CFAP61: variants seen among roughly 807,000 people sequenced by gnomAD.
CFAP61 encodes cilia and flagella associated protein 61, also known as cilia- and flagella-associated protein 61.
CFAP61 carries 107 observed loss-of-function variants against 135.6 expected under a neutral mutation model. The ratio of observed to expected loss-of-function variants is 0.79; its 90% CI spans 0.67 to 0.93. CFAP61 has a LOEUF of 0.93. CFAP61 is among the 40% of genes least tolerant of loss of function. The probability of loss-of-function intolerance (pLI) is 0.00; values close to 1 mark genes in which losing one functional copy is unlikely to be tolerated. For missense variants in CFAP61, 1,507 were observed against 1,556.2 expected (o/e 0.97, Z 0.53); for synonymous variants, 575 against 578.5 (o/e 0.99, Z 0.09).
chr20:20,075,485 T>A lies in CFAP61; in HGVS notation c.440-4T>A, dbSNP rs375821948. 3.7e-6 allele frequency: 6 copies of A among 1,614,050 alleles called. No individual in the cohort carries two copies. The highest frequency in any genetic ancestry group is 4.2e-6 in the Non-Finnish European group (5 of 1,179,894). On this transcript the variant is annotated splice_region_variant and splice_polypyrimidine_tract_variant and intron_variant, in intron 5 of 26. Coordinates refer to ENST00000245957, the MANE Select transcript of CFAP61 (RefSeq NM_015585.4). ...GGACATGTTTCTTTATCTCTGTGAT[T>A]TAGGCTCAACTCTCATAACTGTTTT...
chr20:20,213,647 C>T (rs991276881), intron 17 of CFAP61, among the ~76,000 whole-genome samples: 1 of 151,994 alleles, frequency 6.6e-6, no homozygotes, highest in Non-Finnish European at 1.5e-5. Context: ...TTTTAATATG[C>T]TCAAGAATAA....
intron 13 of CFAP61, among the ~76,000 whole-genome samples, chr20:20,174,527 C>A (rs1039744745): frequency 7.9e-5 from 12 of 152,198 alleles, no homozygotes. Flanking sequence ...AGTGAAACCA[C>A]ACATTTAATG....
intron 22 of CFAP61, among the ~76,000 whole-genome samples, chr20:20,286,387 C>G (rs1482658027): frequency 6.6e-6 from 1 of 152,230 alleles, no homozygotes; most frequent in Non-Finnish European, 1.5e-5. Flanking sequence ...AGATCATGCG[C>G]TCCATGCTTA....
chr20:20,082,854 A>G (rs1341601769), intron 6 of CFAP61, among the ~76,000 whole-genome samples: 1 of 152,162 alleles, frequency 6.6e-6, no homozygotes, highest in Non-Finnish European at 1.5e-5. Context: ...AGATGTTGGC[A>G]TGGATGTGGT....
At chr20:20,101,367 AT>A (rs1362595721) in intron 8 of CFAP61, among the ~76,000 whole-genome samples, 1 of 152,146 alleles carries the variant, frequency 6.6e-6, no homozygotes, top group Non-Finnish European at 1.5e-5. Flanking sequence ...ATCTCATGTT[AT>A]CCTATAACTT....
intron 8 of CFAP61, among the ~76,000 whole-genome samples, chr20:20,111,659 A>G (rs553260624): frequency 3.8e-4 from 58 of 152,340 alleles, no homozygotes; most frequent in African/African-American, 1.3e-3. Flanking sequence ...GGGACACTCA[A>G]TAAGAGTTTT....
At chr20:20,337,508 AAATGGATGGATGGATG>A (rs2058262975) in intron 25 of CFAP61, among the ~76,000 whole-genome samples, 208 of 4,548 alleles carry the variant, frequency 0.046, no homozygotes, top group Middle Eastern at 0.12. Flanking sequence ...GTGGATGGAT[AAATGGATGGATGGATG>A]GATGGATAGA....
intron 12 of CFAP61, among the ~76,000 whole-genome samples, chr20:20,167,307 G>A (rs911264604): frequency 1.3e-5 from 2 of 152,088 alleles, no homozygotes; most frequent in Non-Finnish European, 2.9e-5. Flanking sequence ...AAGGCAATAT[G>A]TTCTCCATCA....
At chr20:20,208,445 G>A (rs2056955119) in intron 17 of CFAP61, among the ~76,000 whole-genome samples, 1 of 152,218 alleles carries the variant, frequency 6.6e-6, no homozygotes, top group Admixed American at 6.5e-5. Context: ...ACCCGCTGCT[G>A]AAGCCTGCAG....
chr20:20,154,942 G>A (rs935405733), intron 9 of CFAP61, among the ~76,000 whole-genome samples: 3 of 151,914 alleles, frequency 2.0e-5, no homozygotes, highest in African/African-American at 7.3e-5. Flanking sequence ...TTCATATGGA[G>A]CCATAAAAGA....
In CFAP61 at chr20:20,246,069, T is replaced by C. The variant is rs144555738; in HGVS notation, c.2061-48T>C. The C allele has an allele frequency of 8.3e-3, 9,883 of 1,196,466 alleles. 94 individuals carry two copies. The highest frequency in any genetic ancestry group is 0.027 in the South Asian group (2,087 of 77,958). The allele number at this position is 1,196,466 out of a possible 1,614,324, so 74.1% of individuals were successfully genotyped here. ...AAATTGAATTATGATAAACTTTTGC[T>C]AAATTGCACTTAACTGCTTGTTCTT... On this transcript the variant is annotated intron_variant, in intron 18 of 26. Coordinates refer to ENST00000245957, the MANE Select transcript of CFAP61 (RefSeq NM_015585.4).
chr20:20,115,922 G>T (rs1459531464), intron 8 of CFAP61, among the ~76,000 whole-genome samples: 1 of 152,202 alleles, frequency 6.6e-6, no homozygotes, highest in African/African-American at 2.4e-5. Flanking sequence ...TAGCTCTTCA[G>T]TGTACTGATT....
chr20:20,199,672 G>A (rs1489260525), intron 16 of CFAP61, 96 bp from the exon 17 acceptor site: 24 of 1,371,378 alleles, frequency 1.8e-5, no homozygotes, highest in Admixed American at 1.7e-4. Flanking sequence ...TGACTTGGCC[G>A]AGTTAAGAGT....
At chr20:20,199,238 TTTGTTGTTG>T (rs3060485) in intron 16 of CFAP61, among the ~76,000 whole-genome samples, 4 of 151,972 alleles carry the variant, frequency 2.6e-5, no homozygotes, top group East Asian at 1.9e-4. Flanking sequence ...TAAAACAGTT[TTTGTTGTTG>T]TTGTTGTTGT....
chr20:20,207,392 A>T (rs2056903735), intron 17 of CFAP61, among the ~76,000 whole-genome samples: 1 of 152,208 alleles, frequency 6.6e-6, no homozygotes. Flanking sequence ...GGGAAAAAAA[A>T]TGCATTCTCC....
At chr20:20,295,303 T>G (rs1476016584) in intron 24 of CFAP61, among the ~76,000 whole-genome samples, 1 of 152,178 alleles carries the variant, frequency 6.6e-6, no homozygotes, top group Non-Finnish European at 1.5e-5. Context: ...TGGGTGGATC[T>G]CAAGGTGTGC....
intron 1 of CFAP61, chr20:20,052,826 C>G: frequency 8.4e-7 from 1 of 1,186,564 alleles, no homozygotes; most frequent in Non-Finnish European, 1.2e-6. Flanking sequence ...GGCGAGCTGC[C>G]GCCCTTTTAG....
In CFAP61 at chr20:20,075,492, C is replaced by T. The variant is rs1486999140; in HGVS notation, c.443C>T (p.Ser148Leu). The T allele has an allele frequency of 8.7e-6, 14 of 1,613,906 alleles. No individual in the cohort carries two copies. The highest frequency in any genetic ancestry group is 1.1e-5 in the Non-Finnish European group (13 of 1,179,924). The change falls in exon 6 of 27, where the codon TCA becomes TTA. Residue 148 changes from serine to leucine, a missense_variant. Coordinates refer to ENST00000245957, the MANE Select transcript of CFAP61 (RefSeq NM_015585.4). ...LIVPSYMSLG[S>L]TLITVFDQVG... ...TTTCTTTATCTCTGTGATTTAGGCT[C>T]AACTCTCATAACTGTTTTTGACCAA...
chr20:20,152,682 A>C (rs1171423986), intron 9 of CFAP61, among the ~76,000 whole-genome samples: 1 of 150,376 alleles, frequency 6.6e-6, no homozygotes, highest in Non-Finnish European at 1.5e-5. Context: ...CCAATCCTAA[A>C]TATATATGCA....
Sources: gnomAD v4.1 joint callset for allele counts (sites outside exome capture counted in the v4.1 genomes callset) on GRCh38, gnomAD v4.1.1 for gene constraint, MANE v1.5 for transcripts, NCBI Gene and HGNC (gene_info 2026-07-23, HGNC 2026-07-21) for gene names.